Variants in ARHGAP22 observed in about 807,000 individuals in gnomAD.
ARHGAP22 encodes rho GTPase-activating protein 22.
Under a neutral mutation model 59.1 loss-of-function variants are expected in ARHGAP22, and 48 were observed. That is an observed-to-expected ratio of 0.81 (90% CI 0.64 to 1.03). The LOEUF is 1.03. ARHGAP22 is among the 50% of genes least tolerant of loss of function. The pLI is 0.00. For synonymous variants in ARHGAP22, 445 were observed against 416.4 expected, an observed-to-expected ratio of 1.07 and a Z score of -0.84; for missense variants, 1,015 against 958.7, an observed-to-expected ratio of 1.06 and a Z score of -0.78.
At chr10:48,615,807 A>T (rs2061058511) in intron 1 of ARHGAP22, among the ~76,000 whole-genome samples, 1 of 152,204 alleles carries the variant, frequency 6.6e-6, no homozygotes, top group Non-Finnish European at 1.5e-5. Flanking sequence ...TTATATAAAA[A>T]GACCAAATAG....
At chr10:48,628,199 C>T (rs565390851) in intron 1 of ARHGAP22, among the ~76,000 whole-genome samples, 1 of 152,314 alleles carries the variant, frequency 6.6e-6, no homozygotes, top group East Asian at 1.9e-4. Flanking sequence ...AGAACCAGCC[C>T]TGATGTGGCC....
chr10:48,606,567 A>G (rs2060683936), upstream of ARHGAP22, among the ~76,000 whole-genome samples: 1 of 152,042 alleles, frequency 6.6e-6, no homozygotes, highest in Non-Finnish European at 1.5e-5. Flanking sequence ...GCTCTATACA[A>G]CCATATGCAC....
chr10:48,489,196 G>T (rs898604979), intron 3 of ARHGAP22, among the ~76,000 whole-genome samples: 2 of 151,830 alleles, frequency 1.3e-5, no homozygotes, highest in Admixed American at 6.6e-5. Flanking sequence ...CATGCCTAAG[G>T]GCCTACTCTA....
At chr10:48,456,614 T>C (rs1036758948) in intron 5 of ARHGAP22, among the ~76,000 whole-genome samples, 2 of 152,116 alleles carry the variant, frequency 1.3e-5, no homozygotes, top group African/African-American at 4.8e-5. Context: ...GGAAGTGTGG[T>C]TGGCAGCCAG....
intron 2 of ARHGAP22, among the ~76,000 whole-genome samples, chr10:48,555,827 CCCA>C (rs2057273425): frequency 6.6e-6 from 1 of 152,162 alleles, no homozygotes; most frequent in South Asian, 2.1e-4. Context: ...GAGGGAGGCT[CCCA>C]CCACTGGGAG....
intron 3 of ARHGAP22, among the ~76,000 whole-genome samples, chr10:48,555,116 A>G (rs181271361): frequency 1.6e-3 from 239 of 152,240 alleles, no homozygotes; most frequent in Middle Eastern, 6.8e-3. Context: ...TTACCTAAAT[A>G]TTCTTGATCT....
At chr10:48,568,083 G>A (rs10458725) in intron 2 of ARHGAP22, among the ~76,000 whole-genome samples, 58,737 of 151,992 alleles carry the variant, frequency 0.39, 12,789 homozygotes, top group East Asian at 0.89. Flanking sequence ...AAAAAGAAAG[G>A]AGAGGTCAGT....
chr10:48,524,071 G>A (rs2054088781), intron 3 of ARHGAP22: 3 of 1,475,234 alleles, frequency 2.0e-6, no homozygotes, highest in African/African-American at 1.5e-5. Context: ...GCTCGCAGGT[G>A]TCCCCTCCAG....
intron 1 of ARHGAP22, among the ~76,000 whole-genome samples, chr10:48,621,462 A>C (rs991156372): frequency 4.6e-5 from 7 of 152,258 alleles, no homozygotes; most frequent in African/African-American, 2.4e-5. Context: ...AAATAATTTA[A>C]GTAAATGGTA....
intron 3 of ARHGAP22, among the ~76,000 whole-genome samples, chr10:48,537,841 G>A (rs1179794014): frequency 2.0e-5 from 3 of 152,226 alleles, no homozygotes; most frequent in Non-Finnish European, 2.9e-5. Context: ...GGAGGTGCTA[G>A]GCAGAGAGGG....
At chr10:48,460,743 G>GAACA (rs57904458) in intron 4 of ARHGAP22, among the ~76,000 whole-genome samples, 2 of 151,872 alleles carry the variant, frequency 1.3e-5, no homozygotes, top group Non-Finnish European at 2.9e-5. Flanking sequence ...ATCAATGAAT[G>GAACA]GAGTACCAAG....
the ARHGAP22 span, chr10:48,430,898 A>G: frequency 2.4e-6 from 1 of 410,284 alleles, no homozygotes; most frequent in East Asian, 5.6e-5. Context: ...CTGTAGCACA[A>G]GTTGCTGGTA....
the ARHGAP22 span, chr10:48,435,059 T>TTTGTGGGCCCTGGGGGGGGGGGGGGGGGG: frequency 2.2e-6 from 1 of 448,006 alleles, no homozygotes; most frequent in African/African-American, 2.2e-5. Flanking sequence ...GTGGGAGGGA[T>TTTGTGGGCCCTGGGGGGGGGGGGGGGGGG]GGGGAGTCGG....
downstream of ARHGAP22, among the ~76,000 whole-genome samples, chr10:48,442,870 G>A (rs2045234667): frequency 6.6e-6 from 1 of 152,314 alleles, no homozygotes; most frequent in East Asian, 1.9e-4. Context: ...TGAGTGCAGG[G>A]GCTTGGGATT....
At chr10:48,644,320 T>G (rs2062197733) in intron 1 of ARHGAP22, among the ~76,000 whole-genome samples, 1 of 152,232 alleles carries the variant, frequency 6.6e-6, no homozygotes, top group African/African-American at 2.4e-5. Flanking sequence ...AACAGAGGAC[T>G]AATTAATTAG....
upstream of ARHGAP22, among the ~76,000 whole-genome samples, chr10:48,654,323 C>T (rs2062672728): frequency 1.3e-5 from 2 of 152,220 alleles, no homozygotes; most frequent in African/African-American, 2.4e-5. Context: ...TCATGACCAA[C>T]ACAAAGAAAG....
chr10:48,577,439 G>A (rs1446308306), intron 2 of ARHGAP22, among the ~76,000 whole-genome samples: 1 of 152,180 alleles, frequency 6.6e-6, no homozygotes, highest in African/African-American at 2.4e-5. Context: ...TGGCGTCGGA[G>A]GATGGGGAGG....
rs34893410 is a variant in ARHGAP22, at chr10:48,501,740, CA to C, written c.323-21977del. 9.8e-3 allele frequency among the ~76,000 whole-genome samples: 1,360 copies of C among 138,568 alleles called. 17 individuals carry two copies. Among genetic ancestry groups the C allele is most frequent in the African/African-American group, 0.024 (948 of 39,128 alleles). 90.9% of individuals were successfully genotyped at this position (138,568 alleles called of 152,430 possible). A position where few individuals can be genotyped will look rare whatever the true frequency, so the allele number is the denominator to read the frequency against. On this transcript the variant is annotated intron_variant, in intron 3 of 9. Coordinates refer to ENST00000249601, the MANE Select transcript of ARHGAP22 (RefSeq NM_021226.4). ...ATGTATTGATTAAATTATGTACATCCAAAAAAAAAAAAAGAAGGTGGTGAAA... is the reference window on the plus strand; with the variant it reads ...ATGTATTGATTAAATTATGTACATCCAAAAAAAAAAAAGAAGGTGGTGAAA...
chr10:48,620,906 C>T (rs2061262935), intron 1 of ARHGAP22, among the ~76,000 whole-genome samples: 1 of 152,246 alleles, frequency 6.6e-6, no homozygotes. Context: ...GGCCTTGCTG[C>T]TTCACCTTCC....
Sources: gnomAD v4.1 joint callset for allele counts (sites outside exome capture counted in the v4.1 genomes callset) on GRCh38, gnomAD v4.1.1 for gene constraint, MANE v1.5 for transcripts, NCBI Gene and HGNC (gene_info 2026-07-23, HGNC 2026-07-21) for gene names.